The following SHLD2 variants were observed in gnomAD, a reference collection of about 807,000 sequenced individuals.
SHLD2 encodes the protein RINN1-REV7-interacting novel NHEJ regulator 2.
Under a neutral mutation model 73.2 loss-of-function variants are expected in SHLD2, and 30 were observed. That is an observed-to-expected ratio of 0.41 (90% CI 0.31 to 0.56). The LOEUF (loss-of-function observed/expected upper bound fraction) is 0.56. Among genes scored for constraint, SHLD2 ranks in the 20% least tolerant of loss-of-function variants. The pLI is 0.28. For missense variants in SHLD2, 745 were observed against 1,055.9 expected, an observed-to-expected ratio of 0.71 and a Z score of 4.08; for synonymous variants, 285 against 370.1, an observed-to-expected ratio of 0.77 and a Z score of 2.64.
intron 2 of SHLD2, among the ~76,000 whole-genome samples, chr10:87,118,442 T>A (rs1463761598): frequency 2.0e-5 from 3 of 151,268 alleles, no homozygotes; most frequent in Non-Finnish European, 4.4e-5. Flanking sequence ...ATGTTATATT[T>A]ATTTTTCTAT....
chr10:87,189,183 T>C (rs2134804003), intron 9 of SHLD2, among the ~76,000 whole-genome samples: 1 of 152,332 alleles, frequency 6.6e-6, no homozygotes, highest in Admixed American at 6.5e-5. Context: ...GTATTTTTAG[T>C]AGATATGGGG....
chr10:87,180,194 G>A lies in SHLD2; in HGVS notation c.2290G>A (p.Val764Ile), dbSNP rs1301820999. 6.2e-6 allele frequency: 10 copies of A among 1,612,840 alleles called. No homozygotes were observed. The highest frequency in any genetic ancestry group is 1.1e-5 in the South Asian group (1 of 91,042). Residue 764 changes from valine (V) to isoleucine (I), a missense_variant, in exon 8 of 10, where the codon GTA (valine) becomes ATA (isoleucine). Physicochemically the swap from Val to Ile is conservative, Grantham distance 29. This residue lies in a region of SHLD2 where 418 missense variants were observed against 567.8 expected (regional missense o/e 0.74). Coordinates refer to ENST00000298786, the MANE Select transcript of SHLD2 (RefSeq NM_001330112.2). ...TATTTTTTCTTCTCTTCCCAACATC[G>A]TATATACTGGTTGTGCAAAATGTGG... ...KSIFSSLPNI[V>I]YTGCAKCGLE...
chr10:87,121,631 C>T (rs1417419862), intron 2 of SHLD2, among the ~76,000 whole-genome samples: 1 of 151,944 alleles, frequency 6.6e-6, no homozygotes, highest in Non-Finnish European at 1.5e-5. Context: ...CTTTTGAGAG[C>T]CTGCTCTACT....
chr10:87,137,592 T>C lies in SHLD2; in HGVS notation c.-5-13758T>C, dbSNP rs2134199732. Among the ~76,000 whole-genome samples, 2 of 152,174 alleles carry C rather than the reference T, an allele frequency of 1.3e-5. 1 individual carries two copies. The highest frequency in any genetic ancestry group is 4.1e-4 in the South Asian group (2 of 4,826). ...GGATAATATCAGATGGTCTAACATA[T>C]ATGTAATTGGAGTTTCAGAAGGAGA... On this transcript the variant is annotated intron_variant, in intron 2 of 9. Transcript: ENST00000298786.
intron 8 of SHLD2, among the ~76,000 whole-genome samples, chr10:87,184,666 T>G (rs1848506396): frequency 6.6e-6 from 1 of 152,124 alleles, no homozygotes; most frequent in East Asian, 1.9e-4. Flanking sequence ...CTGCTGCCAC[T>G]CCCCTGTCGT....
At chr10:87,175,695 A>G (rs903358823) in intron 6 of SHLD2, among the ~76,000 whole-genome samples, 194 bp from the exon 7 acceptor site, 8 of 152,010 alleles carry the variant, frequency 5.3e-5, no homozygotes, top group African/African-American at 1.9e-4. Context: ...GAAAATAATA[A>G]TAATAATAAT....
chr10:87,126,436 T>C (rs1399980719), intron 2 of SHLD2, among the ~76,000 whole-genome samples: 1 of 152,154 alleles, frequency 6.6e-6, no homozygotes, highest in African/African-American at 2.4e-5. Context: ...TTAATGACTT[T>C]TTTGATTTTG....
intron 4 of SHLD2, among the ~76,000 whole-genome samples, chr10:87,166,067 A>G (rs10887699): frequency 0.68 from 102,957 of 151,698 alleles, 35,702 homozygotes; most frequent in Middle Eastern, 0.9. Flanking sequence ...TTATCATCCT[A>G]ATTGGAAAAA....
chr10:87,160,518 A>G (rs1846729368), intron 4 of SHLD2, among the ~76,000 whole-genome samples: 2 of 152,182 alleles, frequency 1.3e-5, no homozygotes, highest in Non-Finnish European at 2.9e-5. Flanking sequence ...TCAATACAGC[A>G]TTATAATATG....
rs549856803 is a variant in SHLD2 at position 87,096,375 on chromosome 10, A to G, written c.-61-559A>G. 1.1e-3 allele frequency among the ~76,000 whole-genome samples: 165 copies of G among 151,710 alleles called. 4 individuals carry two copies. The South Asian group carries it at 0.034, about 31-fold the overall frequency. ...ATATGATTTATAAGCTTTATGCTGT[A>G]TGAGGGTTCAGTTATGTATTTATAC... On this transcript the variant is annotated intron_variant, in intron 1 of 9. Transcript: ENST00000298786.
At chr10:87,164,965 T>C (rs891425619) in intron 4 of SHLD2, among the ~76,000 whole-genome samples, 4 of 151,914 alleles carry the variant, frequency 2.6e-5, no homozygotes, top group African/African-American at 9.7e-5. Flanking sequence ...GGCAGGTGGA[T>C]GGCTTGAGCC....
At chr10:87,125,931 A>C (rs1843975790) in intron 2 of SHLD2, among the ~76,000 whole-genome samples, 1 of 151,804 alleles carries the variant, frequency 6.6e-6, no homozygotes, top group Non-Finnish European at 1.5e-5. Context: ...CTGTCTCAAA[A>C]TAATAATAAT....
intron 4 of SHLD2, among the ~76,000 whole-genome samples, chr10:87,165,739 A>G (rs1847152156): frequency 6.6e-6 from 1 of 152,194 alleles, no homozygotes; most frequent in South Asian, 2.1e-4. Flanking sequence ...TTAATAGGAG[A>G]ATTGATAAAA....
chr10:87,108,067 T>C (rs564789448), intron 2 of SHLD2, among the ~76,000 whole-genome samples: 2 of 152,078 alleles, frequency 1.3e-5, no homozygotes, highest in South Asian at 2.1e-4. Flanking sequence ...TTTTTTGCTT[T>C]TTTGAGACGG....
chr10:87,104,653 AAGGT>A (rs1226582096), intron 2 of SHLD2, among the ~76,000 whole-genome samples: 3 of 152,076 alleles, frequency 2.0e-5, no homozygotes, highest in African/African-American at 7.2e-5. Flanking sequence ...TAACTGTACT[AAGGT>A]AGGATTCTTT....
At chr10:87,141,961 G>A (rs1265805068) in intron 2 of SHLD2, among the ~76,000 whole-genome samples, 2 of 151,146 alleles carry the variant, frequency 1.3e-5, no homozygotes, top group African/African-American at 4.9e-5. Flanking sequence ...AACCTGGGAG[G>A]CAGAGGTTGC....
intron 2 of SHLD2, among the ~76,000 whole-genome samples, chr10:87,145,562 G>A (rs1298491771): frequency 6.6e-6 from 1 of 151,768 alleles, no homozygotes; most frequent in Non-Finnish European, 1.5e-5. Flanking sequence ...ACATGAAAAG[G>A]CATTACTACA....
intron 9 of SHLD2, among the ~76,000 whole-genome samples, chr10:87,189,304 CTCT>C (rs1049698756): frequency 6.6e-6 from 1 of 152,158 alleles, no homozygotes; most frequent in African/African-American, 2.4e-5. Context: ...TCCGGCCTAT[CTCT>C]TCTTTTTTGC....
At chr10:87,125,202 G>A (rs1044223294) in intron 2 of SHLD2, among the ~76,000 whole-genome samples, 17 of 152,128 alleles carry the variant, frequency 1.1e-4, no homozygotes, top group African/African-American at 4.1e-4. Flanking sequence ...TTTTATGTTT[G>A]GATGATTATG....
Sources: gnomAD v4.1 joint callset for allele counts (sites outside exome capture counted in the v4.1 genomes callset) on GRCh38, gnomAD v4.1.1 for gene constraint, gnomAD v4.1.1 regional missense constraint, MANE v1.5 for transcripts, NCBI Gene and HGNC (gene_info 2026-07-23, HGNC 2026-07-21) for gene names.